PMS2: variants seen among roughly 807,000 people sequenced by gnomAD.
The protein encoded by PMS2 is mismatch repair endonuclease PMS2.
In PMS2, 69 loss-of-function variants were observed where a neutral mutation model predicts 90.0. The observed-to-expected ratio is 0.77, with a 90% CI of 0.63 to 0.94. The LOEUF is 0.94. Ranked by LOEUF, PMS2 falls within the 40% of genes least tolerant of loss-of-function variation. The probability of loss-of-function intolerance (pLI) is 0.00; values close to 1 mark genes in which losing one functional copy is unlikely to be tolerated. For synonymous variants in PMS2, 332 were observed against 375.1 expected, an observed-to-expected ratio of 0.89 and a Z score of 1.33; for missense variants, 966 against 1,040.2, an observed-to-expected ratio of 0.93 and a Z score of 0.98.
chr7:5,991,037 T>G (rs1160698990), intron 9 of PMS2, among the ~76,000 whole-genome samples: 1 of 152,016 alleles, frequency 6.6e-6, no homozygotes, highest in Non-Finnish European at 1.5e-5. Context: ...ATAATAAAGA[T>G]GCAGATAATG....
intron 12 of PMS2, among the ~76,000 whole-genome samples, chr7:5,981,235 T>C (rs1782255009): frequency 6.6e-6 from 1 of 150,452 alleles, no homozygotes; most frequent in Admixed American, 6.6e-5. Flanking sequence ...TTTTATTTTA[T>C]TTTATTTATT....
chr7:5,996,610 TATAC>T (rs149096131), intron 7 of PMS2, among the ~76,000 whole-genome samples: 3,331 of 137,732 alleles, frequency 0.024, 123 homozygotes, highest in African/African-American at 0.084. Flanking sequence ...TATATATATA[TATAC>T]ACACAGATAG....
At chr7:5,994,770 G>A (rs540653676) in intron 8 of PMS2, among the ~76,000 whole-genome samples, 5 of 150,432 alleles carry the variant, frequency 3.3e-5, no homozygotes, top group South Asian at 2.1e-4. Flanking sequence ...ACAAGACTCC[G>A]TCTCAGAAAA....
At chr7:6,001,343 C>G (rs1274482345) in intron 5 of PMS2, among the ~76,000 whole-genome samples, 1 of 151,156 alleles carries the variant, frequency 6.6e-6, no homozygotes, top group Non-Finnish European at 1.5e-5. Flanking sequence ...GTTCTAATAG[C>G]TCATTTCTCA....
rs547715146 is a variant in PMS2, at chr7:5,977,621, C to G, written c.2412G>C (p.Lys804Asn). 3 of 1,591,320 alleles carry G rather than the reference C, an allele frequency of 1.9e-6. No homozygotes were observed. The highest frequency in any genetic ancestry group is 2.6e-6 in the Non-Finnish European group (3 of 1,162,446). ...GGCAGGCTCTGGAGGCAAACATCTG[C>G]TTGACTCGGGAAGGCCGGCACATGA... ...PGVMCRPSRV[K>N]QMFASRACRK... The change falls in exon 14 of 15, where the codon AAG becomes AAC. Residue 804 changes from lysine (K) to asparagine (N), a missense_variant. Lys to Asn is a moderately conservative substitution (Grantham distance 94, BLOSUM62 0). Around this residue, in one of 2 missense-constraint regions of PMS2, gnomAD observed 95 missense variants for 237.8 expected, o/e 0.40. Coordinates refer to ENST00000265849, the MANE Select transcript of PMS2 (RefSeq NM_000535.7).
intron 5 of PMS2, among the ~76,000 whole-genome samples, chr7:6,001,773 C>A (rs1370848476): frequency 6.6e-6 from 1 of 151,942 alleles, no homozygotes; most frequent in Non-Finnish European, 1.5e-5. Flanking sequence ...CACCTGAGGT[C>A]AGGAATTCGA....
intron 8 of PMS2, among the ~76,000 whole-genome samples, chr7:5,994,952 C>T (rs115227599): frequency 0.024 from 3,584 of 151,748 alleles, 125 homozygotes; most frequent in African/African-American, 0.08. Flanking sequence ...AATACTATAC[C>T]GAAAAACAAT....
chr7:6,004,592 G>A (rs1027453461), intron 2 of PMS2, among the ~76,000 whole-genome samples: 1 of 151,874 alleles, frequency 6.6e-6, no homozygotes, highest in Non-Finnish European at 1.5e-5. Context: ...GCGCATGCCT[G>A]TCATCCCAGC....
rs778014939 is a variant in PMS2, at chr7:6,002,656, A to G, written c.354-20T>C. 1.9e-6 allele frequency: 3 copies of G among 1,600,264 alleles called. No homozygotes were observed. Among genetic ancestry groups the G allele is most frequent in the African/African-American group, 2.7e-5 (2 of 74,620 alleles). ...ACATCGCTGTGAGAGAATACCAGGC[A>G]TGGTGTGTTCAGTGAGAGACCCATG... On this transcript the variant is annotated intron_variant, in intron 4 of 14. Coordinates refer to ENST00000265849, the MANE Select transcript of PMS2 (RefSeq NM_000535.7).
intron 1 of PMS2, among the ~76,000 whole-genome samples, chr7:6,006,237 G>C (rs1021424517): frequency 6.6e-6 from 1 of 152,166 alleles, no homozygotes; most frequent in South Asian, 2.1e-4. Context: ...CTTCTGGATA[G>C]ATACTTCAAA....
At chr7:5,986,412 C>T (rs1782864570) in intron 11 of PMS2, among the ~76,000 whole-genome samples, 1 of 151,112 alleles carries the variant, frequency 6.6e-6, no homozygotes, top group Non-Finnish European at 1.5e-5. Context: ...CTTTACCTGG[C>T]CGGGTGTGGT....
At chr7:5,997,296 T>C in intron 7 of PMS2, 30 bp downstream of exon 7, 3 of 1,044,684 alleles carry the variant, frequency 2.9e-6, no homozygotes, top group East Asian at 2.4e-5. Flanking sequence ...AAATGTTCAA[T>C]TGTAGTTCTC....
chr7:5,988,688 A>T (rs1783362715), intron 10 of PMS2, among the ~76,000 whole-genome samples: 1 of 152,222 alleles, frequency 6.6e-6, no homozygotes, highest in Non-Finnish European at 1.5e-5. Flanking sequence ...ATGATATCTG[A>T]CTATAATGGA....
chr7:5,978,461 G>A, intron 13 of PMS2, 135 bp downstream of exon 13: 1 of 1,001,078 alleles, frequency 1.0e-6, no homozygotes, highest in South Asian at 1.3e-5. Flanking sequence ...AGTAGAGATG[G>A]GGTTTCACCA....
intron 5 of PMS2, among the ~76,000 whole-genome samples, chr7:6,000,210 C>T (rs1230038564): frequency 1.3e-5 from 2 of 150,180 alleles, no homozygotes; most frequent in Non-Finnish European, 3.0e-5. Context: ...CCCATCTCTA[C>T]AAAAAAAACA....
chr7:5,999,129 G>A lies in PMS2; in HGVS notation c.684C>T (p.Gly228=), dbSNP rs371876208. 6.2e-7 allele frequency: 1 copy of A among 1,613,970 alleles called. No individual in the cohort carries two copies. The highest frequency in any genetic ancestry group is 1.3e-5 in the African/African-American group (1 of 74,890). Residue 228 remains glycine (G), a synonymous_variant, in exon 6 of 15, where the codon GGC becomes GGT. Transcript: ENST00000265849. ...GGSPSIKENI[G]SVFGQKQLQS... ...CTACCTGCTTCTGCCCAAACACAGA[G>A]CCGATATTTTCCTTTATGCTGGGGC...
intron 10 of PMS2, 116 bp from the exon 11 acceptor site, chr7:5,987,736 G>A (rs111255573): frequency 0.018 from 18,180 of 1,022,130 alleles, 246 homozygotes; most frequent in Admixed American, 0.077. Flanking sequence ...TTACACAGAT[G>A]AACACAGTTC....
rs759013264 is a variant in PMS2 at position 6,002,444 on chromosome 7, T to C, written c.537+9A>G. ...AATACTCTTGAAAACCAGGATTAAT[T>C]TACTGTACCTTCTTAATATTCCTTT... On this transcript the variant is annotated intron_variant, in intron 5 of 14. Transcript: ENST00000265849. 5 of 1,580,814 alleles carry C rather than the reference T, an allele frequency of 3.2e-6. No individual in the cohort carries two copies. The East Asian group carries it at 1.1e-4, about 35-fold the overall frequency.
At chr7:5,989,715 G>T in intron 10 of PMS2, 85 bp downstream of exon 10, 1 of 1,026,698 alleles carries the variant, frequency 9.7e-7, no homozygotes, top group Non-Finnish European at 1.5e-6. Flanking sequence ...TTGTTTTCAT[G>T]TCAAAAAAAA....
Sources: allele counts gnomAD v4.1 joint callset (sites outside exome capture counted in the v4.1 genomes callset), GRCh38; gene constraint gnomAD v4.1.1; regional missense constraint gnomAD v4.1.1; transcripts MANE v1.5; gene names NCBI Gene and HGNC (gene_info 2026-07-23, HGNC 2026-07-21).